NEGR1: variants seen among roughly 807,000 people sequenced by gnomAD.
NEGR1 encodes neuronal growth regulator 1.
Under a neutral mutation model 40.9 loss-of-function variants are expected in NEGR1, and 10 were observed. The observed-to-expected ratio is 0.24, with a 90% CI of 0.15 to 0.42. The LOEUF (loss-of-function observed/expected upper bound fraction) is 0.42, where lower values mean the gene tolerates loss of function less well. Among genes scored for constraint, NEGR1 ranks in the 10% least tolerant of loss-of-function variants. The pLI, the probability that NEGR1 is intolerant of heterozygous loss-of-function variation, is 1.00. For synonymous variants in NEGR1, 185 were observed against 166.8 expected (o/e 1.11, Z -0.84); for missense variants, 352 against 438.9 (o/e 0.80, Z 1.77).
At chr1:71,582,709 C>A (rs1026392078) in intron 6 of NEGR1, among the ~76,000 whole-genome samples, 10 of 152,148 alleles carry the variant, frequency 6.6e-5, no homozygotes, top group African/African-American at 1.2e-4. Flanking sequence ...AAAAAGTAAT[C>A]CTGCTTTTCC....
chr1:71,656,473 C>G (rs12038993), intron 4 of NEGR1, among the ~76,000 whole-genome samples: 70,516 of 151,516 alleles, frequency 0.47, 16,738 homozygotes, highest in East Asian at 0.64. Context: ...AGTGCAGTGG[C>G]GGGATCTCGG....
At chr1:71,671,902 T>A (rs2101600651) in intron 4 of NEGR1, among the ~76,000 whole-genome samples, 1 of 149,982 alleles carries the variant, frequency 6.7e-6, no homozygotes, top group South Asian at 2.1e-4. Flanking sequence ...TCTTTTTTTT[T>A]TTTTTTTTTG....
At chr1:71,734,027 G>C (rs1055069693) in intron 3 of NEGR1, among the ~76,000 whole-genome samples, 7 of 152,068 alleles carry the variant, frequency 4.6e-5, no homozygotes, top group African/African-American at 1.7e-4. Context: ...AAAGACCCCA[G>C]GCTTCCTCAA....
chr1:72,052,381 T>C (rs1647070024), intron 1 of NEGR1, among the ~76,000 whole-genome samples: 1 of 151,466 alleles, frequency 6.6e-6, no homozygotes. Context: ...TGGCCAAATC[T>C]GACTGCAAAA....
At chr1:71,677,108 T>C (rs1359368973) in intron 4 of NEGR1, among the ~76,000 whole-genome samples, 2 of 152,174 alleles carry the variant, frequency 1.3e-5, no homozygotes, top group African/African-American at 4.8e-5. Flanking sequence ...AATAAGATAA[T>C]ATATGTAGGC....
At chr1:72,036,878 T>C (rs866242269) in intron 1 of NEGR1, among the ~76,000 whole-genome samples, 2 of 152,042 alleles carry the variant, frequency 1.3e-5, no homozygotes, top group African/African-American at 4.8e-5. Flanking sequence ...AGGTGAGATA[T>C]AAATATATAT....
intron 1 of NEGR1, among the ~76,000 whole-genome samples, chr1:72,191,849 C>T (rs1652831349): frequency 2.6e-5 from 4 of 151,552 alleles, no homozygotes; most frequent in Admixed American, 1.3e-4. Flanking sequence ...TGGATTGATC[C>T]AACACTTGCA....
intron 1 of NEGR1, among the ~76,000 whole-genome samples, chr1:72,191,782 G>T (rs1049205420): frequency 1.3e-4 from 19 of 151,234 alleles, no homozygotes; most frequent in African/African-American, 4.2e-4. Flanking sequence ...CTTTTGTAAG[G>T]CCATTCATAT....
chr1:72,062,702 G>T (rs892084449), intron 1 of NEGR1, among the ~76,000 whole-genome samples: 5 of 151,922 alleles, frequency 3.3e-5, no homozygotes, highest in Non-Finnish European at 7.4e-5. Flanking sequence ...TCTAATCTAA[G>T]GAAAGTACAG....
At chr1:72,275,070 T>C (rs1655993578) in intron 1 of NEGR1, 1 of 1,176,970 alleles carries the variant, frequency 8.5e-7, no homozygotes, top group East Asian at 2.3e-5. Context: ...AGAAATTTGT[T>C]AGCACCAGTG....
At chr1:71,925,024 A>G (rs976652078) in intron 2 of NEGR1, among the ~76,000 whole-genome samples, 12 of 152,288 alleles carry the variant, frequency 7.9e-5, no homozygotes, top group Non-Finnish European at 1.6e-4. Context: ...TATAAAAACA[A>G]TAAAACTCTA....
At chr1:72,272,070 G>T (rs1004207561) in intron 1 of NEGR1, among the ~76,000 whole-genome samples, 1 of 151,726 alleles carries the variant, frequency 6.6e-6, no homozygotes, top group Non-Finnish European at 1.5e-5. Flanking sequence ...TATGGGTTTA[G>T]AATTTTTCAG....
At chr1:71,938,373 C>G (rs902681971) in intron 1 of NEGR1, among the ~76,000 whole-genome samples, 4 of 147,970 alleles carry the variant, frequency 2.7e-5, no homozygotes, top group African/African-American at 9.9e-5. Flanking sequence ...CAAACATACA[C>G]ACATACACAC....
At chr1:71,822,310 G>A (rs958304149) in intron 2 of NEGR1, among the ~76,000 whole-genome samples, 8 of 151,890 alleles carry the variant, frequency 5.3e-5, no homozygotes, top group Non-Finnish European at 1.0e-4. Context: ...GAAGATCTAC[G>A]TATTATATGT....
At chr1:71,728,397 AACT>A (rs1654744447) in intron 3 of NEGR1, among the ~76,000 whole-genome samples, 1 of 152,124 alleles carries the variant, frequency 6.6e-6, no homozygotes, top group Non-Finnish European at 1.5e-5. Context: ...CTACTGAGAA[AACT>A]ACTGCTGAGG....
intron 3 of NEGR1, among the ~76,000 whole-genome samples, chr1:71,709,770 G>A (rs1654019098): frequency 6.6e-6 from 1 of 152,168 alleles, no homozygotes; most frequent in South Asian, 2.1e-4. Context: ...ATTACTACAA[G>A]AATACATTGG....
At chr1:72,122,746 T>G (rs1007397886) in intron 1 of NEGR1, among the ~76,000 whole-genome samples, 20 of 151,968 alleles carry the variant, frequency 1.3e-4, no homozygotes, top group African/African-American at 4.8e-4. Context: ...ATACTAACAT[T>G]TTTAATACTA....
chr1:72,114,515 G>T (rs1194287827), intron 1 of NEGR1, among the ~76,000 whole-genome samples: 2 of 151,694 alleles, frequency 1.3e-5, no homozygotes, highest in African/African-American at 4.8e-5. Context: ...TCTAGATAGA[G>T]CTCCGTTTCT....
intron 1 of NEGR1, among the ~76,000 whole-genome samples, chr1:72,043,501 A>T (rs1235507619): frequency 6.6e-6 from 1 of 151,880 alleles, no homozygotes; most frequent in African/African-American, 2.4e-5. Context: ...TTCACAAATA[A>T]TTTTAAAATG....
Sources: gnomAD v4.1 joint callset for allele counts (sites outside exome capture counted in the v4.1 genomes callset) on GRCh38, gnomAD v4.1.1 for gene constraint, MANE v1.5 for transcripts, NCBI Gene and HGNC (gene_info 2026-07-23, HGNC 2026-07-21) for gene names.